The following PRKD3 variants were observed in gnomAD, a reference collection of about 807,000 sequenced individuals.
PRKD3 encodes the protein protein kinase D3.
In PRKD3, 47 loss-of-function variants were observed where a neutral mutation model predicts 99.2. That is an observed-to-expected ratio of 0.47 (90% CI 0.38 to 0.60). PRKD3 has a LOEUF of 0.60. PRKD3 is among the 20% of genes least tolerant of loss of function. The probability of loss-of-function intolerance (pLI) is 0.00; values close to 1 mark genes in which losing one functional copy is unlikely to be tolerated. For missense variants in PRKD3, 1,019 were observed against 1,088.4 expected, an observed-to-expected ratio of 0.94 and a Z score of 0.90; for synonymous variants, 392 against 355.4, an observed-to-expected ratio of 1.10 and a Z score of -1.16.
Position 37,253,209 on chromosome 2 carries a change from G to C in PRKD3, c.2641C>G (p.Pro881Ala), listed in dbSNP as rs1667652614. 1 of 1,610,666 alleles carries C rather than the reference G, an allele frequency of 6.2e-7. No homozygotes were observed. Among genetic ancestry groups the C allele is most frequent in the Admixed American group, 1.7e-5 (1 of 59,738 alleles). The change falls in exon 19 of 19, where the codon CCT (proline) becomes GCT (alanine). Residue 881 changes from proline (P) to alanine (A), a missense_variant. Transcript: ENST00000234179. ...LVYPKHFIMA[P>A]NPDDMEEDP ...TCTTCTTCCATATCATCTGGATTAG[G>C]AGCCATAATGAAGTGCTTTGGGTAT...
chr2:37,315,509 A>G (rs1354269231), intron 2 of PRKD3, among the ~76,000 whole-genome samples: 1 of 152,190 alleles, frequency 6.6e-6, no homozygotes, highest in Non-Finnish European at 1.5e-5. Flanking sequence ...GATAAAAAAA[A>G]GAGGGGCCAG....
chr2:37,277,805 G>A, intron 9 of PRKD3, 61 bp downstream of exon 9: 2 of 1,527,274 alleles, frequency 1.3e-6, no homozygotes, highest in Non-Finnish European at 1.8e-6. Flanking sequence ...TTTAAAAAAT[G>A]CACAGAATGA....
At chr2:37,281,871 CTA>C (rs1381797645) in intron 7 of PRKD3, among the ~76,000 whole-genome samples, 4 of 152,046 alleles carry the variant, frequency 2.6e-5, no homozygotes, top group Non-Finnish European at 4.4e-5. Flanking sequence ...TGCTGAAAGT[CTA>C]GAGTCCTTAC....
intron 5 of PRKD3, among the ~76,000 whole-genome samples, chr2:37,287,050 G>C (rs1473374145): frequency 1.3e-5 from 2 of 151,500 alleles, no homozygotes; most frequent in Non-Finnish European, 2.9e-5. Flanking sequence ...GACCAACATG[G>C]AGAAACCCCG....
intron 4 of PRKD3, 130 bp downstream of exon 4, chr2:37,290,738 T>C (rs1402181740): frequency 9.9e-7 from 1 of 1,005,126 alleles, no homozygotes; most frequent in Non-Finnish European, 1.4e-6. Context: ...ATGAGAGTCC[T>C]GATCTCTCCA....
intron 11 of PRKD3, among the ~76,000 whole-genome samples, chr2:37,273,214 TGTAA>T (rs1279811733): frequency 1.3e-5 from 2 of 152,182 alleles, no homozygotes; most frequent in Non-Finnish European, 2.9e-5. Context: ...TTAAAGAGTG[TGTAA>T]GTGCCTGTAT....
chr2:37,300,098 A>T (rs993904242), intron 2 of PRKD3, among the ~76,000 whole-genome samples: 1 of 152,254 alleles, frequency 6.6e-6, no homozygotes, highest in African/African-American at 2.4e-5. Context: ...AATTCACAAT[A>T]GCCACAACAG....
rs936636551 is a variant in PRKD3 at position 37,251,188 on chromosome 2, A to G, written c.*1989T>C. On this transcript the variant is annotated 3_prime_UTR_variant, in exon 19 of 19. Transcript: ENST00000234179. The stretch of plus-strand genomic sequence containing the variant: ...GTCATCCTCTATCACAGGGAAAATA[A>G]CATTTCTAAAAAAAAATTTTTTTTG... 1 of 152,624 alleles carries G rather than the reference A, an allele frequency of 6.6e-6. No individual in the cohort carries two copies. The highest frequency in any genetic ancestry group is 2.4e-5 in the African/African-American group (1 of 41,454). The allele number at this position is 152,624 out of a possible 1,614,324, so 9.5% of individuals were successfully genotyped here. A position where few individuals can be genotyped will look rare whatever the true frequency, so the allele number is the denominator to read the frequency against.
intron 16 of PRKD3, among the ~76,000 whole-genome samples, chr2:37,257,872 C>A (rs552585641): frequency 1.1e-4 from 16 of 152,040 alleles, no homozygotes; most frequent in Non-Finnish European, 1.9e-4. Flanking sequence ...TTTTCTATCA[C>A]TGTGGAACAA....
In PRKD3 at chr2:37,290,958, G is replaced by C. The variant is rs1232053685; in HGVS notation, c.469C>G (p.Leu157Val). ...VEDFQIRPHTLYVHSYKAPTF... is the reference protein window; with the variant it reads ...VEDFQIRPHTVYVHSYKAPTF... ...GGAGCTTTGTAAGAATGTACATAGA[G>C]AGTATGTGGACGAATCTGGAAGTCT... The change falls in exon 4 of 19, where the codon CTC becomes GTC. Residue 157 changes from leucine to valine, a missense_variant. Leu to Val is a conservative substitution (Grantham distance 32, BLOSUM62 1). This residue lies in a region of PRKD3 where 710 missense variants were observed against 692.7 expected (regional missense o/e 1.02). Transcript: ENST00000234179. 5 of 1,608,118 alleles carry C rather than the reference G, an allele frequency of 3.1e-6. No homozygotes were observed. Among genetic ancestry groups the C allele is most frequent in the East Asian group, 2.2e-5 (1 of 44,838 alleles).
rs868392617 is a variant in PRKD3, at chr2:37,298,960, T to C, written c.289-5689A>G. Reference sequence around the variant, plus strand: ...GCTCTACTTAAGACTTCCAGTATTATGTTGAACAAAAGTTGTGAAAGTGGG... The same window carrying C: ...GCTCTACTTAAGACTTCCAGTATTACGTTGAACAAAAGTTGTGAAAGTGGG... On this transcript the variant is annotated intron_variant, in intron 2 of 18. Transcript: ENST00000234179. 6.6e-5 allele frequency among the ~76,000 whole-genome samples: 10 copies of C among 152,036 alleles called. No individual in the cohort carries two copies. In the Middle Eastern group the frequency reaches 0.01, roughly 155 times the overall value.
At chr2:37,312,874 A>G (rs1671497353) in intron 2 of PRKD3, among the ~76,000 whole-genome samples, 1 of 152,226 alleles carries the variant, frequency 6.6e-6, no homozygotes, top group African/African-American at 2.4e-5. Context: ...AGGTTCCACT[A>G]GGTCCTACTA....
chr2:37,313,208 A>G (rs1164816774), intron 2 of PRKD3, among the ~76,000 whole-genome samples: 1 of 152,190 alleles, frequency 6.6e-6, no homozygotes. Flanking sequence ...CTGCAGAACA[A>G]AAGAAGCCAC....
intron 14 of PRKD3, among the ~76,000 whole-genome samples, chr2:37,266,064 T>C (rs1668817142): frequency 6.6e-6 from 1 of 152,112 alleles, no homozygotes; most frequent in African/African-American, 2.4e-5. Context: ...TTCAACAGAG[T>C]ATGAATGCTA....
chr2:37,314,905 T>C (rs1671593047), intron 2 of PRKD3, among the ~76,000 whole-genome samples: 1 of 152,208 alleles, frequency 6.6e-6, no homozygotes, highest in Non-Finnish European at 1.5e-5. Flanking sequence ...GAAGTAAAGT[T>C]ATTCTTACTT....
chr2:37,306,051 A>G (rs1449875066), intron 2 of PRKD3, among the ~76,000 whole-genome samples: 1 of 149,176 alleles, frequency 6.7e-6, no homozygotes, highest in Non-Finnish European at 1.5e-5. Context: ...ATACTCTGTT[A>G]TCTCTTCCTT....
intron 2 of PRKD3, among the ~76,000 whole-genome samples, chr2:37,300,937 G>C (rs1035076741): frequency 3.3e-5 from 5 of 152,126 alleles, no homozygotes; most frequent in African/African-American, 1.2e-4. Flanking sequence ...GTATGTACTT[G>C]TTTTGCCACG....
At chr2:37,260,522 C>G in intron 14 of PRKD3, 138 bp from the exon 15 acceptor site, 1 of 815,904 alleles carries the variant, frequency 1.2e-6, no homozygotes, top group Non-Finnish European at 1.9e-6. Context: ...ATAAAAATTA[C>G]AATCAATGAA....
chr2:37,324,425 C>G (rs960342401), intron 1 of PRKD3: 1 of 154,536 alleles, frequency 6.5e-6, no homozygotes, highest in African/African-American at 2.4e-5. Context: ...GCGGCGCCCC[C>G]GCTCCCCCTC....
Sources: allele counts gnomAD v4.1 joint callset (sites outside exome capture counted in the v4.1 genomes callset), GRCh38; gene constraint gnomAD v4.1.1; regional missense constraint gnomAD v4.1.1; transcripts MANE v1.5; gene names NCBI Gene and HGNC (gene_info 2026-07-23, HGNC 2026-07-21).